Variants in JAZF1 observed in about 807,000 individuals in gnomAD.
JAZF1 encodes the protein JAZF zinc finger 1.
A neutral mutation model predicts 26.4 loss-of-function variants in JAZF1; 8 were observed. The observed-to-expected ratio is 0.30, with a 90% CI of 0.18 to 0.55. The LOEUF is 0.55. Ranked by LOEUF, JAZF1 falls within the 20% of genes least tolerant of loss-of-function variation. The probability of loss-of-function intolerance (pLI) is 0.94; values close to 1 mark genes in which losing one functional copy is unlikely to be tolerated. For missense variants in JAZF1, 199 were observed against 322.0 expected (o/e 0.62, Z 2.92); for synonymous variants, 126 against 122.3 (o/e 1.03, Z -0.20).
At chr7:27,870,370 C>A (rs760073807) in intron 3 of JAZF1, among the ~76,000 whole-genome samples, 2 of 152,074 alleles carry the variant, frequency 1.3e-5, no homozygotes, top group Non-Finnish European at 2.9e-5. Flanking sequence ...CATGTCCCAT[C>A]CCTTTCATGT....
At chr7:28,039,561 C>T (rs1783354658) in intron 1 of JAZF1, among the ~76,000 whole-genome samples, 1 of 152,166 alleles carries the variant, frequency 6.6e-6, no homozygotes, top group Admixed American at 6.5e-5. Context: ...CTGGAACACA[C>T]TACACACATA....
intron 1 of JAZF1, chr7:27,992,221 C>G (rs1267993335): frequency 3.4e-6 from 2 of 585,150 alleles, no homozygotes; most frequent in African/African-American, 3.7e-5. Flanking sequence ...ATCTGTCACA[C>G]AAACTCTTGC....
At chr7:28,125,092 T>G (rs1382528023) in intron 1 of JAZF1, among the ~76,000 whole-genome samples, 1 of 150,996 alleles carries the variant, frequency 6.6e-6, no homozygotes, top group Non-Finnish European at 1.5e-5. Flanking sequence ...TGCCTAATAT[T>G]CTAATTATTA....
intron 3 of JAZF1, among the ~76,000 whole-genome samples, chr7:27,855,754 A>C (rs867474024): frequency 6.6e-6 from 1 of 152,176 alleles, no homozygotes; most frequent in Non-Finnish European, 1.5e-5. Context: ...CCAGGACCAG[A>C]TGGATTCACA....
At chr7:28,069,264 C>T (rs747352450) in intron 1 of JAZF1, among the ~76,000 whole-genome samples, 1 of 152,202 alleles carries the variant, frequency 6.6e-6, no homozygotes, top group Non-Finnish European at 1.5e-5. Context: ...GAGAACTGAC[C>T]TTCCTCACCA....
At chr7:28,072,509 G>A (rs1783992743) in intron 1 of JAZF1, among the ~76,000 whole-genome samples, 1 of 152,176 alleles carries the variant, frequency 6.6e-6, no homozygotes, top group Non-Finnish European at 1.5e-5. Context: ...GTCTTGTAAT[G>A]TAAATTGGCA....
chr7:27,937,618 G>C (rs1784778766), intron 2 of JAZF1, among the ~76,000 whole-genome samples: 1 of 152,074 alleles, frequency 6.6e-6, no homozygotes, highest in African/African-American at 2.4e-5. Context: ...TAGGTTTACT[G>C]CTTATAAACA....
intron 1 of JAZF1, among the ~76,000 whole-genome samples, chr7:28,058,015 A>G (rs1783739885): frequency 1.3e-5 from 2 of 152,056 alleles, no homozygotes; most frequent in South Asian, 4.1e-4. Flanking sequence ...TTTCTAACTG[A>G]GGCTGGATGC....
In JAZF1 at chr7:27,979,366, ATTTTTTTTTTTTTTTTT is replaced by A. The variant is rs55737757; in HGVS notation, c.188+12526_188+12542del. On this transcript the variant is annotated intron_variant, in intron 2 of 4. Transcript: ENST00000283928. ...TAACAGGCGTGGCCAGGTACACTAC[ATTTTTTTTTTTTTTTTT>A]TTTTTTTTTTTTTTTTTTTTTTAGA... is the stretch of plus-strand genomic sequence containing the variant. Among the ~76,000 whole-genome samples, 354 of 58,440 alleles carry A rather than the reference ATTTTTTTTTTTTTTTTT, an allele frequency of 6.1e-3. 4 individuals carry two copies. The highest frequency in any genetic ancestry group is 0.019 in the African/African-American group (285 of 15,068). The allele number at this position is 58,440 out of a possible 152,430, so 38.3% of individuals were successfully genotyped here. A position where few individuals can be genotyped will look rare whatever the true frequency, so the allele number is the denominator to read the frequency against.
At chr7:28,062,989 CA>C (rs1247070547) in intron 1 of JAZF1, among the ~76,000 whole-genome samples, 4 of 152,128 alleles carry the variant, frequency 2.6e-5, no homozygotes, top group Admixed American at 6.5e-5. Context: ...AAATGTTGGC[CA>C]ACTACATGTT....
intron 3 of JAZF1, among the ~76,000 whole-genome samples, chr7:27,875,729 C>T (rs1783667480): frequency 6.6e-6 from 1 of 152,216 alleles, no homozygotes; most frequent in African/African-American, 2.4e-5. Context: ...CCATCTGTCT[C>T]CCCACTAGTC....
intron 2 of JAZF1, among the ~76,000 whole-genome samples, chr7:27,968,328 G>C (rs141304307): frequency 2.0e-5 from 3 of 152,244 alleles, no homozygotes; most frequent in African/African-American, 7.2e-5. Context: ...GGGAGAGGTG[G>C]TAGCAACTGG....
chr7:27,837,337 G>T (rs1782834369), intron 4 of JAZF1, among the ~76,000 whole-genome samples: 1 of 152,226 alleles, frequency 6.6e-6, no homozygotes. Context: ...AGGGTGGTGG[G>T]CTCAGTGGTT....
chr7:28,036,544 G>A (rs1181089789), intron 1 of JAZF1, among the ~76,000 whole-genome samples: 3 of 152,248 alleles, frequency 2.0e-5, no homozygotes, highest in African/African-American at 4.8e-5. Flanking sequence ...TTTGGACACA[G>A]AGCATCTTGA....
intron 2 of JAZF1, among the ~76,000 whole-genome samples, chr7:27,958,853 G>A: frequency 6.6e-6 from 1 of 152,158 alleles, no homozygotes; most frequent in Non-Finnish European, 1.5e-5. Flanking sequence ...AATGGGGAGG[G>A]CAGAAGGAGA....
At chr7:28,157,432 A>G (rs925989152) in intron 1 of JAZF1, among the ~76,000 whole-genome samples, 1 of 152,258 alleles carries the variant, frequency 6.6e-6, no homozygotes, top group Non-Finnish European at 1.5e-5. Context: ...AAAAATAAGG[A>G]GTATGACTGT....
chr7:28,007,355 G>A (rs929217647), intron 1 of JAZF1, among the ~76,000 whole-genome samples: 3 of 152,170 alleles, frequency 2.0e-5, no homozygotes, highest in African/African-American at 7.2e-5. Flanking sequence ...GATCACCTGA[G>A]GTAGGGAGTT....
intron 1 of JAZF1, among the ~76,000 whole-genome samples, chr7:28,017,849 C>T (rs940775253): frequency 2.0e-5 from 3 of 152,246 alleles, no homozygotes; most frequent in Non-Finnish European, 4.4e-5. Context: ...TCTCGGTTCA[C>T]TGCAACCTCC....
intron 1 of JAZF1, among the ~76,000 whole-genome samples, chr7:28,047,684 C>T (rs1783520133): frequency 6.6e-6 from 1 of 152,072 alleles, no homozygotes; most frequent in Non-Finnish European, 1.5e-5. Context: ...TTCTCCTAAT[C>T]CATTGCTTCT....
Sources: gnomAD v4.1 joint callset for allele counts (sites outside exome capture counted in the v4.1 genomes callset) on GRCh38, gnomAD v4.1.1 for gene constraint, MANE v1.5 for transcripts, NCBI Gene and HGNC (gene_info 2026-07-23, HGNC 2026-07-21) for gene names.